SF3A1: variants seen among roughly 807,000 people sequenced by gnomAD.
SF3A1 encodes the protein SAP 114.
SF3A1 carries 13 observed loss-of-function variants against 89.9 expected under a neutral mutation model. That is an observed-to-expected ratio of 0.14 (90% CI 0.09 to 0.23). The LOEUF (loss-of-function observed/expected upper bound fraction) is 0.23, where lower values mean the gene tolerates loss of function less well. Ranked by LOEUF, SF3A1 falls within the 10% of genes least tolerant of loss-of-function variation. The pLI is 1.00. For synonymous variants in SF3A1, 405 were observed against 374.4 expected (o/e 1.08, Z -0.94); for missense variants, 604 against 1,022.1 (o/e 0.59, Z 5.58).
chr22:30,343,238 T>TC (rs755728328), intron 4 of SF3A1, among the ~76,000 whole-genome samples: 3 of 151,798 alleles, frequency 2.0e-5, no homozygotes, highest in East Asian at 3.9e-4. Flanking sequence ...ACTACGCAGG[T>TC]CCCCCCTGAC....
intron 1 of SF3A1, among the ~76,000 whole-genome samples, chr22:30,355,134 C>A (rs901317327): frequency 3.3e-5 from 5 of 152,098 alleles, no homozygotes; most frequent in African/African-American, 1.2e-4. Context: ...AAGCAATTCT[C>A]TCCCGAATAG....
intron 13 of SF3A1, 21 bp from the exon 14 acceptor site, chr22:30,335,774 A>T: frequency 6.3e-7 from 1 of 1,597,906 alleles, no homozygotes; most frequent in Non-Finnish European, 8.6e-7. Flanking sequence ...GGAGGTGGTC[A>T]TTATGCCTAG....
In SF3A1 at chr22:30,335,766, A is replaced by T. The variant is rs1898839807; in HGVS notation, c.2107-13T>A. On this transcript the variant is annotated splice_polypyrimidine_tract_variant and intron_variant, in intron 13 of 15. Coordinates refer to ENST00000215793, the MANE Select transcript of SF3A1 (RefSeq NM_005877.6). ...TGGACACTGGACCCTACAAAACAGG[A>T]GGTGGTCATTATGCCTAGGGAGCTC... 1 of 1,610,140 alleles carries T rather than the reference A, an allele frequency of 6.2e-7. No homozygotes were observed. Among genetic ancestry groups the T allele is most frequent in the African/African-American group, 1.3e-5 (1 of 74,782 alleles).
intron 3 of SF3A1, 32 bp from the exon 4 acceptor site, chr22:30,345,222 C>A (rs377355117): frequency 5.4e-5 from 86 of 1,597,788 alleles, no homozygotes; most frequent in Non-Finnish European, 6.8e-5. Context: ...AGGCGAGAGG[C>A]ACAGGGGTGA....
rs984693773 is a variant in SF3A1, at chr22:30,340,460, T to A, written c.1190-79A>T. The A allele has an allele frequency of 2.1e-6, 3 of 1,402,820 alleles. No individual in the cohort carries two copies. In the African/African-American group the frequency reaches 4.3e-5, roughly 20 times the overall value. The allele number at this position is 1,402,820 out of a possible 1,614,324, so 86.9% of individuals were successfully genotyped here. ...AAGAGGGTGGTATTTCATGCGTGCA[T>A]CATTCATCAAGGCATCTATTCAGTG... On this transcript the variant is annotated intron_variant, in intron 8 of 15. Coordinates refer to ENST00000215793, the MANE Select transcript of SF3A1 (RefSeq NM_005877.6).
At chr22:30,342,050 G>A in intron 6 of SF3A1, 150 bp downstream of exon 6, 1 of 1,168,598 alleles carries the variant, frequency 8.6e-7, no homozygotes, top group Non-Finnish European at 1.2e-6. Flanking sequence ...GGGCAAAGTG[G>A]TAGAACTGAA....
intron 11 of SF3A1, 103 bp downstream of exon 11, chr22:30,338,686 C>A: frequency 6.9e-7 from 1 of 1,444,650 alleles, no homozygotes; most frequent in South Asian, 1.2e-5. Context: ...ACCCACCCAA[C>A]ACTCAGGCCC....
chr22:30,351,882 G>A (rs958272881), intron 2 of SF3A1, among the ~76,000 whole-genome samples: 2 of 152,236 alleles, frequency 1.3e-5, no homozygotes, highest in East Asian at 1.9e-4. Flanking sequence ...GCTGGACATG[G>A]ACTGAGGGCT....
intron 2 of SF3A1, among the ~76,000 whole-genome samples, chr22:30,349,471 G>A (rs1479084346): frequency 2.0e-5 from 3 of 151,994 alleles, no homozygotes; most frequent in African/African-American, 7.3e-5. Context: ...TAGTAGAGAC[G>A]AGGTTTCACT....
At position 30,346,327 on chromosome 22, in the gene SF3A1, C is replaced by T. The variant is rs1192664877; in HGVS notation, c.378G>A (p.Gln126=). ...GGCTCCAAACCTTCTGGGGCAGCTGCTGCTGGGTGGTCTGCTGCTGCTGCT... is the reference window on the plus strand; with the variant it reads ...GGCTCCAAACCTTCTGGGGCAGCTGTTGCTGGGTGGTCTGCTGCTGCTGCT... ...VMQQQQQTTQ[Q]QLPQKVQAQV... The change falls in exon 3 of 16, where the codon CAG becomes CAA. Residue 126 remains glutamine (Q), a synonymous_variant. Transcript: ENST00000215793. The T allele has an allele frequency of 6.2e-7, 1 of 1,612,952 alleles. No homozygotes were observed. Among genetic ancestry groups the T allele is most frequent in the South Asian group, 1.1e-5 (1 of 91,042 alleles).
At chr22:30,341,945 C>T in intron 6 of SF3A1, 60 bp from the exon 7 acceptor site, 1 of 1,518,398 alleles carries the variant, frequency 6.6e-7, no homozygotes, top group Admixed American at 1.8e-5. Context: ...TTTGCCCTGT[C>T]TGAGCTCCCC....
chr22:30,338,016 C>A, intron 11 of SF3A1, 119 bp from the exon 12 acceptor site: 1 of 750,906 alleles, frequency 1.3e-6, no homozygotes. Flanking sequence ...TACGTCCTGG[C>A]CCCCTGGGAC....
intron 13 of SF3A1, among the ~76,000 whole-genome samples, chr22:30,336,287 C>T (rs548788921): frequency 4.1e-4 from 63 of 152,226 alleles, no homozygotes; most frequent in Admixed American, 2.7e-3. Flanking sequence ...GGGAGGCCAG[C>T]GTGGTGGATC....
chr22:30,352,920 C>T (rs1246960730), intron 2 of SF3A1, 31 bp downstream of exon 2: 1 of 1,611,736 alleles, frequency 6.2e-7, no homozygotes. Context: ...TGCTGAAACC[C>T]ACCTCTGACC....
chr22:30,341,958 G>A (rs1931272681), intron 6 of SF3A1, 73 bp from the exon 7 acceptor site: 2 of 1,447,530 alleles, frequency 1.4e-6, no homozygotes, highest in African/African-American at 2.8e-5. Context: ...AGCTCCCCAA[G>A]GGCTGGGGCC....
At chr22:30,356,672 A>T in intron 1 of SF3A1, 58 bp downstream of exon 1, 1 of 1,310,580 alleles carries the variant, frequency 7.6e-7, no homozygotes, top group Admixed American at 2.8e-5. Context: ...TTCCTGTGCG[A>T]GTAAGGAGCG....
At position 30,342,873 on chromosome 22, in the gene SF3A1, T is replaced by C. The variant is rs372093557; in HGVS notation, c.658A>G (p.Ile220Val). 2 of 1,610,360 alleles carry C rather than the reference T, an allele frequency of 1.2e-6. No homozygotes were observed. The highest frequency in any genetic ancestry group is 1.6e-4 in the Middle Eastern group (1 of 6,082). ...KLVEQYTKIL[I>V]PPKGLFSKLK... ...TTTGAAAATAAACCTTTGGGTGGAA[T>C]CAAGATCTGAAATACAGAAGAGTTA... is the stretch of plus-strand genomic sequence containing the variant. Residue 220 changes from isoleucine to valine, a missense_variant, in exon 5 of 16, where the codon ATT becomes GTT. This residue lies in a region of SF3A1 where 162 missense variants were observed against 229.2 expected (regional missense o/e 0.71). Transcript: ENST00000215793.
intron 2 of SF3A1, among the ~76,000 whole-genome samples, chr22:30,352,149 G>A (rs1332852357): frequency 6.6e-6 from 1 of 151,696 alleles, no homozygotes; most frequent in African/African-American, 2.4e-5. Flanking sequence ...GGAAGAGAGA[G>A]GATCTCTGAC....
chr22:30,339,088 G>A (rs769934264), intron 10 of SF3A1, 42 bp downstream of exon 10: 2 of 1,613,944 alleles, frequency 1.2e-6, no homozygotes, highest in Non-Finnish European at 1.7e-6. Flanking sequence ...AAGTATGGAA[G>A]ACGGGGGGCA....
Sources: gnomAD v4.1 joint callset for allele counts (sites outside exome capture counted in the v4.1 genomes callset) on GRCh38, gnomAD v4.1.1 for gene constraint, gnomAD v4.1.1 regional missense constraint, MANE v1.5 for transcripts, NCBI Gene and HGNC (gene_info 2026-07-23, HGNC 2026-07-21) for gene names.